The following CNTN4 variants were observed in gnomAD, a reference collection of about 807,000 sequenced individuals.
CNTN4 encodes the protein contactin 4.
CNTN4 carries 77 observed loss-of-function variants against 122.5 expected under a neutral mutation model. The observed-to-expected ratio is 0.63, with a 90% CI of 0.52 to 0.76. The LOEUF is 0.76. Ranked by LOEUF, CNTN4 falls within the 30% of genes least tolerant of loss-of-function variation. The pLI is 0.00. For missense variants in CNTN4, 1,256 were observed against 1,259.1 expected (o/e 1.00, Z 0.04); for synonymous variants, 512 against 447.0 (o/e 1.15, Z -1.83).
At chr3:2,790,471 A>T (rs1292155828) in intron 6 of CNTN4, among the ~76,000 whole-genome samples, 1 of 152,200 alleles carries the variant, frequency 6.6e-6, no homozygotes, top group East Asian at 1.9e-4. Context: ...AAGGAGCAGA[A>T]TCAGTCAAGC....
intron 4 of CNTN4, among the ~76,000 whole-genome samples, chr3:2,651,280 C>T (rs1306300737): frequency 6.6e-6 from 1 of 152,078 alleles, no homozygotes; most frequent in Non-Finnish European, 1.5e-5. Context: ...AAAATATTCC[C>T]TTAGGATCCT....
intron 2 of CNTN4, among the ~76,000 whole-genome samples, chr3:2,327,541 AT>A (rs547836405): frequency 9.5e-4 from 145 of 152,250 alleles, no homozygotes; most frequent in African/African-American, 3.4e-3. Flanking sequence ...CATGCCTTAT[AT>A]TTTATATATG....
intron 6 of CNTN4, among the ~76,000 whole-genome samples, chr3:2,809,754 A>C (rs186640004): frequency 1.3e-5 from 2 of 152,342 alleles, no homozygotes; most frequent in African/African-American, 4.8e-5. Context: ...TAACGGTGCC[A>C]TATCTCACTA....
chr3:2,280,818 C>T (rs2041686816), intron 2 of CNTN4, among the ~76,000 whole-genome samples: 1 of 152,128 alleles, frequency 6.6e-6, no homozygotes, highest in Non-Finnish European at 1.5e-5. Context: ...AAATTAAGTT[C>T]CTGACAGAAG....
At chr3:3,006,005 C>A (rs546360993) in intron 14 of CNTN4, among the ~76,000 whole-genome samples, 1 of 151,824 alleles carries the variant, frequency 6.6e-6, no homozygotes, top group East Asian at 1.9e-4. Flanking sequence ...CGTGCCTCAG[C>A]CTCCCAAGTA....
intron 13 of CNTN4, among the ~76,000 whole-genome samples, chr3:2,926,362 A>C (rs949420868): frequency 6.6e-6 from 1 of 152,218 alleles, no homozygotes; most frequent in Admixed American, 6.5e-5. Flanking sequence ...TTTCTTATAC[A>C]TGAATTACAT....
intron 3 of CNTN4, among the ~76,000 whole-genome samples, chr3:2,388,078 CAA>C (rs1278902387): frequency 2.0e-5 from 3 of 152,046 alleles, no homozygotes; most frequent in Admixed American, 2.0e-4. Context: ...GCTAGATTAA[CAA>C]TATATGAAAT....
At chr3:2,453,507 T>G (rs1040611579) in intron 3 of CNTN4, among the ~76,000 whole-genome samples, 1 of 152,070 alleles carries the variant, frequency 6.6e-6, no homozygotes, top group Non-Finnish European at 1.5e-5. Flanking sequence ...TAAGGCACAA[T>G]ATAACCAAGT....
At chr3:2,666,024 A>C (rs953548371) in intron 4 of CNTN4, among the ~76,000 whole-genome samples, 2 of 152,218 alleles carry the variant, frequency 1.3e-5, no homozygotes, top group Non-Finnish European at 2.9e-5. Flanking sequence ...TGAATGGGCG[A>C]AGATATCTGA....
intron 3 of CNTN4, among the ~76,000 whole-genome samples, chr3:2,477,122 C>T (rs188708465): frequency 1.6e-4 from 25 of 152,110 alleles, no homozygotes; most frequent in African/African-American, 5.6e-4. Context: ...TAAAATCTGG[C>T]ACAGGCTGGG....
intron 2 of CNTN4, among the ~76,000 whole-genome samples, chr3:2,139,292 T>C (rs995006560): frequency 1.2e-4 from 19 of 152,348 alleles, no homozygotes; most frequent in African/African-American, 4.6e-4. Flanking sequence ...TGTACTAACG[T>C]AATTTGAAAA....
intron 2 of CNTN4, among the ~76,000 whole-genome samples, chr3:2,196,987 G>T (rs1034591122): frequency 4.7e-5 from 7 of 150,502 alleles, no homozygotes; most frequent in African/African-American, 7.4e-5. Context: ...AGAGGTTACG[G>T]TGAGCCGAGA....
intron 2 of CNTN4, among the ~76,000 whole-genome samples, chr3:2,240,577 C>A (rs2039891040): frequency 6.6e-6 from 1 of 152,016 alleles, no homozygotes. Flanking sequence ...AGTAAACCTA[C>A]AAAATTGTAA....
chr3:2,382,852 T>C (rs930724943), intron 3 of CNTN4, among the ~76,000 whole-genome samples: 3 of 152,076 alleles, frequency 2.0e-5, no homozygotes, highest in Non-Finnish European at 2.9e-5. Flanking sequence ...GGCGGGCGGA[T>C]CACCTGAGGT....
chr3:2,374,921 C>G (rs963044015), intron 3 of CNTN4, among the ~76,000 whole-genome samples: 4 of 152,058 alleles, frequency 2.6e-5, no homozygotes, highest in Admixed American at 2.6e-4. Flanking sequence ...AATGTTAGAC[C>G]TATATTTAGA....
chr3:2,213,677 C>T (rs987786658), intron 2 of CNTN4, among the ~76,000 whole-genome samples: 2 of 152,162 alleles, frequency 1.3e-5, no homozygotes, highest in Non-Finnish European at 2.9e-5. Context: ...TCGCAAATGC[C>T]AGTCACCAAA....
rs572286267 is a variant in CNTN4, at chr3:2,397,476, C to T, written c.-89+58243C>T. 9.3e-5 allele frequency among the ~76,000 whole-genome samples: 14 copies of T among 151,074 alleles called. No individual in the cohort carries two copies. The East Asian group carries it at 2.5e-3, about 27-fold the overall frequency. On this transcript the variant is annotated intron_variant, in intron 3 of 24. Coordinates refer to ENST00000418658, the MANE Select transcript of CNTN4 (RefSeq NM_175607.3). ...TCCGTTTTGTGAGCACAAGATTAGT[C>T]TCCTTTTAGGTGCAAGTTTTTTTTT...
At chr3:2,405,249 CTTTG>C (rs956247473) in intron 3 of CNTN4, among the ~76,000 whole-genome samples, 8 of 152,046 alleles carry the variant, frequency 5.3e-5, no homozygotes, top group African/African-American at 1.9e-4. Context: ...TATTTCCAAG[CTTTG>C]TTTGGTGAGA....
At chr3:2,933,522 T>G (rs573220356) in intron 13 of CNTN4, among the ~76,000 whole-genome samples, 1 of 152,186 alleles carries the variant, frequency 6.6e-6, no homozygotes, top group Non-Finnish European at 1.5e-5. Flanking sequence ...CAGTGTTGCG[T>G]GACTCAGTTC....
Sources: allele counts gnomAD v4.1 joint callset (sites outside exome capture counted in the v4.1 genomes callset), GRCh38; gene constraint gnomAD v4.1.1; transcripts MANE v1.5; gene names NCBI Gene and HGNC (gene_info 2026-07-23, HGNC 2026-07-21).